Variants in GAS7 observed in about 807,000 individuals in gnomAD.
The protein encoded by GAS7 is growth arrest specific 7, also known as growth arrest-specific protein 7.
A neutral mutation model predicts 71.1 loss-of-function variants in GAS7; 28 were observed. The observed-to-expected ratio is 0.39, with a 90% CI of 0.29 to 0.54. The LOEUF (loss-of-function observed/expected upper bound fraction) is 0.54, where lower values mean the gene tolerates loss of function less well. Among genes scored for constraint, GAS7 ranks in the 20% least tolerant of loss-of-function variants. GAS7 has a pLI of 0.62. For missense variants in GAS7, 436 were observed against 627.8 expected (o/e 0.69, Z 3.27); for synonymous variants, 258 against 245.8 (o/e 1.05, Z -0.46).
rs140102794 is a variant in GAS7, at chr17:10,005,084, T to TGTGCACGCATACATGCATGTGTGTGC, written c.304+14692_304+14693insGCACACACATGCATGTATGCGTGCAC. 1.4e-3 allele frequency among the ~76,000 whole-genome samples: 210 copies of TGTGCACGCATACATGCATGTGTGTGC among 150,314 alleles called. 1 individual carries two copies. The highest frequency in any genetic ancestry group is 4.8e-3 in the African/African-American group (195 of 40,266). On this transcript the variant is annotated intron_variant, in intron 2 of 13. Transcript: ENST00000432992. ...ATGTGTGTATGCACGCATACATGCG[T>TGTGCACGCATACATGCATGTGTGTGC]GTGTGCACGCATACATGCATGTGTG... is the stretch of plus-strand genomic sequence containing the variant.
At chr17:10,106,086 G>A (rs952936831) in intron 1 of GAS7, among the ~76,000 whole-genome samples, 4 of 152,108 alleles carry the variant, frequency 2.6e-5, no homozygotes, top group East Asian at 1.9e-4. Context: ...ACATTAGCAC[G>A]TTACTCCTAC....
At chr17:10,168,316 T>C (rs1337223700) in intron 1 of GAS7, among the ~76,000 whole-genome samples, 18 of 152,192 alleles carry the variant, frequency 1.2e-4, no homozygotes, top group Admixed American at 1.1e-3. Flanking sequence ...AATAGCTTGG[T>C]TTTCTTTATT....
intron 1 of GAS7, among the ~76,000 whole-genome samples, chr17:10,194,789 C>T (rs373891498): frequency 1.2e-4 from 17 of 147,432 alleles, no homozygotes; most frequent in African/African-American, 2.5e-4. Context: ...CTGGCTAACA[C>T]GGCGAAACCT....
At position 9,942,180 on chromosome 17, in the gene GAS7, G is replaced by A. The variant is rs189046995; in HGVS notation, c.731+941C>T. Among the ~76,000 whole-genome samples the A allele has an allele frequency of 1.2e-4, 18 of 152,104 alleles. No homozygotes were observed. In the South Asian group the frequency reaches 1.7e-3, roughly 14 times the overall value. On this transcript the variant is annotated intron_variant, in intron 7 of 13. Coordinates refer to ENST00000432992, the MANE Select transcript of GAS7 (RefSeq NM_201433.2). Reference sequence around the variant, plus strand: ...GAGACAGGAGAATCGCTTGAACCCCGGAGATGGAGGTTGCAGTGAGCCAAG... The same window carrying A: ...GAGACAGGAGAATCGCTTGAACCCCAGAGATGGAGGTTGCAGTGAGCCAAG...
intron 1 of GAS7, among the ~76,000 whole-genome samples, chr17:10,141,990 G>A (rs895944275): frequency 8.6e-5 from 13 of 150,320 alleles, no homozygotes; most frequent in Admixed American, 7.3e-4. Context: ...GCACTTTGGG[G>A]GGCCGAGGTG....
intron 1 of GAS7, among the ~76,000 whole-genome samples, chr17:10,047,721 T>C (rs1398991294): frequency 1.3e-5 from 2 of 152,112 alleles, no homozygotes; most frequent in East Asian, 3.8e-4. Flanking sequence ...AAGAAGATAG[T>C]GGACGAGGTG....
In GAS7 at chr17:10,134,061, C is replaced by T. The variant is rs562675554; in HGVS notation, c.183+64147G>A. 3.6e-4 allele frequency among the ~76,000 whole-genome samples: 54 copies of T among 151,340 alleles called. No homozygotes were observed. In the East Asian group the frequency reaches 0.01, roughly 29 times the overall value. ...TCTTTTTTTTTTGAGATGGGAGTCT[C>T]GCTCTATCGCCCAGGCTGGAGTCCA... is the stretch of plus-strand genomic sequence containing the variant. On this transcript the variant is annotated intron_variant, in intron 1 of 13. Transcript: ENST00000432992.
chr17:10,139,666 A>G (rs760189949), intron 1 of GAS7, among the ~76,000 whole-genome samples: 27 of 152,230 alleles, frequency 1.8e-4, no homozygotes, highest in Non-Finnish European at 3.1e-4. Flanking sequence ...TACTGTGTCA[A>G]CATGGCTAGG....
intron 1 of GAS7, among the ~76,000 whole-genome samples, chr17:10,088,231 A>ATAATAATAATAT (rs2073542521): frequency 6.8e-6 from 1 of 146,952 alleles, no homozygotes; most frequent in African/African-American, 2.5e-5. Context: ...AATAATAATA[A>ATAATAATAATAT]TAATAATAAT....
chr17:10,057,783 C>T (rs1017346928), intron 1 of GAS7, among the ~76,000 whole-genome samples: 1 of 152,080 alleles, frequency 6.6e-6, no homozygotes, highest in Non-Finnish European at 1.5e-5. Flanking sequence ...GCCATGATGA[C>T]GATGGGGGTT....
At chr17:10,181,119 T>G (rs2074411818) in intron 1 of GAS7, among the ~76,000 whole-genome samples, 1 of 145,482 alleles carries the variant, frequency 6.9e-6, no homozygotes, top group South Asian at 2.3e-4. Context: ...CCCAGCACTT[T>G]GGGAGGCCAA....
rs370900583 is a variant in GAS7 at position 10,068,516 on chromosome 17, G to A, written c.184-48619C>T. ...CACACCTGTAATCCCAGCACTTTGGGAGGCTGAGGCAGGAGGATCACTTGA... is the reference window on the plus strand; with the variant it reads ...CACACCTGTAATCCCAGCACTTTGGAAGGCTGAGGCAGGAGGATCACTTGA... On this transcript the variant is annotated intron_variant, in intron 1 of 13. Transcript: ENST00000432992. Among the ~76,000 whole-genome samples the A allele has an allele frequency of 3.0e-4, 45 of 152,116 alleles. No individual in the cohort carries two copies. The East Asian group carries it at 6.4e-3, about 22-fold the overall frequency.
At chr17:10,094,625 C>A (rs1263246400) in intron 1 of GAS7, among the ~76,000 whole-genome samples, 2 of 152,142 alleles carry the variant, frequency 1.3e-5, no homozygotes, top group Non-Finnish European at 2.9e-5. Flanking sequence ...CGCGCCACCA[C>A]GCCTGACTAA....
At position 9,959,307 on chromosome 17, in the gene GAS7, T is replaced by C. The variant is rs200422272; in HGVS notation, c.472-52A>G. On this transcript the variant is annotated intron_variant, in intron 4 of 13. Coordinates refer to ENST00000432992, the MANE Select transcript of GAS7 (RefSeq NM_201433.2). The surrounding 1 kb of genome is among the most constrained non-coding windows in gnomAD (Gnocchi z 5.0). ...CAAAGCTGTTCTCCATATTGGACATTTTTTCCCCCCATTCAGGTTCCCTGA... is the reference window on the plus strand; with the variant it reads ...CAAAGCTGTTCTCCATATTGGACATCTTTTCCCCCCATTCAGGTTCCCTGA... 6.2e-6 allele frequency: 10 copies of C among 1,613,062 alleles called. No individual in the cohort carries two copies. The African/African-American group carries it at 1.2e-4, about 19-fold the overall frequency.
intron 1 of GAS7, among the ~76,000 whole-genome samples, chr17:10,165,308 AAAAG>A (rs2074286035): frequency 6.6e-6 from 1 of 151,450 alleles, no homozygotes. Flanking sequence ...AAAAAAAAAA[AAAAG>A]AAAACAAAAG....
chr17:10,017,444 T>G (rs1461762886), intron 2 of GAS7, among the ~76,000 whole-genome samples: 2 of 151,692 alleles, frequency 1.3e-5, no homozygotes, highest in Non-Finnish European at 2.9e-5. Context: ...TTCTCCTGCC[T>G]CAGCCTCCCG....
chr17:10,039,665 A>T (rs1184527495), intron 1 of GAS7: 3 of 444,066 alleles, frequency 6.8e-6, no homozygotes, highest in Non-Finnish European at 1.3e-5. Context: ...CCTGGACGTC[A>T]GAGTGAGACC....
chr17:9,967,396 T>C lies in GAS7; in HGVS notation c.471+2281A>G, dbSNP rs561285851. ...GAGATACTCAGCGTCATCCCTGGTG[T>C]CACCTACTAGTTGCCAGTAGCACCC... On this transcript the variant is annotated intron_variant, in intron 4 of 13. Transcript: ENST00000432992. 2.7e-5 allele frequency among the ~76,000 whole-genome samples: 4 copies of C among 147,770 alleles called. No individual in the cohort carries two copies. In the South Asian group the frequency reaches 8.7e-4, roughly 32 times the overall value.
intron 1 of GAS7, among the ~76,000 whole-genome samples, chr17:10,130,387 T>C (rs987631723): frequency 6.7e-5 from 10 of 150,200 alleles, no homozygotes; most frequent in East Asian, 1.9e-4. Context: ...TATGGAGGCA[T>C]TGGAACCCTC....
Sources: allele counts gnomAD v4.1 joint callset (sites outside exome capture counted in the v4.1 genomes callset), GRCh38; gene constraint gnomAD v4.1.1; non-coding constraint Gnocchi (gnomAD v3.1); transcripts MANE v1.5; gene names NCBI Gene and HGNC (gene_info 2026-07-23, HGNC 2026-07-21).